The following DPYD variants were observed in gnomAD, a reference collection of about 807,000 sequenced individuals.
DPYD encodes the protein dihydropyrimidine dehydrogenase.
Under a neutral mutation model 116.2 loss-of-function variants are expected in DPYD, and 109 were observed. The observed-to-expected ratio is 0.94, with a 90% CI of 0.80 to 1.10. The LOEUF (loss-of-function observed/expected upper bound fraction) is 1.10, where lower values mean the gene tolerates loss of function less well. Ranked by LOEUF, DPYD falls within the 50% of genes least tolerant of loss-of-function variation. The pLI, the probability that DPYD is intolerant of heterozygous loss-of-function variation, is 0.00. For missense variants in DPYD, 1,302 were observed against 1,254.5 expected, an observed-to-expected ratio of 1.04 and a Z score of -0.57; for synonymous variants, 440 against 432.0, an observed-to-expected ratio of 1.02 and a Z score of -0.23.
chr1:97,521,111 A>G (rs1271032956), intron 12 of DPYD, among the ~76,000 whole-genome samples: 1 of 152,160 alleles, frequency 6.6e-6, no homozygotes, highest in Non-Finnish European at 1.5e-5. Flanking sequence ...AAGTGTTCTT[A>G]TTTCTCCATA....
chr1:97,599,022 T>A (rs1006883608), intron 8 of DPYD, among the ~76,000 whole-genome samples: 1 of 152,204 alleles, frequency 6.6e-6, no homozygotes, highest in Admixed American at 6.5e-5. Context: ...TCAACATGTA[T>A]GTATTAAGTT....
rs538237738 is a variant in DPYD, at chr1:97,672,171, C to T, written c.850+6924G>A. On this transcript the variant is annotated intron_variant, in intron 8 of 22. Transcript: ENST00000370192. ...TTACGACCTGGGCTCAAAGAACTCC[C>T]GGTCCATTGATTCAGGTGCCTTAAA... Among the ~76,000 whole-genome samples, 26 of 152,120 alleles carry T rather than the reference C, an allele frequency of 1.7e-4. No individual in the cohort carries two copies. In the East Asian group the frequency reaches 2.7e-3, roughly 16 times the overall value.
intron 13 of DPYD, among the ~76,000 whole-genome samples, chr1:97,452,800 G>C (rs1319434805): frequency 6.6e-6 from 1 of 151,940 alleles, no homozygotes; most frequent in Non-Finnish European, 1.5e-5. Flanking sequence ...TGCCTTGATT[G>C]GAAGCTTTCT....
At chr1:97,510,278 A>G (rs1647683324) in intron 13 of DPYD, among the ~76,000 whole-genome samples, 1 of 151,838 alleles carries the variant, frequency 6.6e-6, no homozygotes, top group Non-Finnish European at 1.5e-5. Context: ...CCCTGAAAAT[A>G]TGTGCCAAAC....
At chr1:97,779,735 C>T (rs1666627846) in intron 3 of DPYD, among the ~76,000 whole-genome samples, 1 of 151,932 alleles carries the variant, frequency 6.6e-6, no homozygotes, top group South Asian at 2.1e-4. Flanking sequence ...ATTATCACTC[C>T]TGGTTGCATC....
intron 16 of DPYD, among the ~76,000 whole-genome samples, chr1:97,330,525 A>G (rs929868072): frequency 1.3e-5 from 2 of 152,174 alleles, no homozygotes; most frequent in Admixed American, 1.3e-4. Flanking sequence ...CGACAGTAAT[A>G]AGACAAAGCT....
intron 3 of DPYD, among the ~76,000 whole-genome samples, chr1:97,754,146 ATCT>A (rs753547099): frequency 6.6e-6 from 1 of 152,178 alleles, no homozygotes; most frequent in Non-Finnish European, 1.5e-5. Flanking sequence ...TAAATGTTTA[ATCT>A]TCTCAGTTTA....
chr1:97,459,247 C>G (rs996339490), intron 13 of DPYD, among the ~76,000 whole-genome samples: 1 of 151,920 alleles, frequency 6.6e-6, no homozygotes, highest in African/African-American at 2.4e-5. Flanking sequence ...TACCTGAAAG[C>G]AAACAAATGT....
At chr1:97,202,361 C>T (rs1659267339) in intron 19 of DPYD, among the ~76,000 whole-genome samples, 2 of 151,930 alleles carry the variant, frequency 1.3e-5, no homozygotes, top group Non-Finnish European at 2.9e-5. Flanking sequence ...TAAAAATTTC[C>T]CCCTTTTCCT....
chr1:97,094,657 G>A (rs547383215), intron 21 of DPYD, among the ~76,000 whole-genome samples: 8 of 152,198 alleles, frequency 5.3e-5, no homozygotes, highest in Admixed American at 1.3e-4. Context: ...GGGTTCCTTG[G>A]TCAGACGATG....
intron 14 of DPYD, among the ~76,000 whole-genome samples, chr1:97,433,790 G>A (rs1184789210): frequency 1.3e-5 from 2 of 152,248 alleles, no homozygotes; most frequent in African/African-American, 2.4e-5. Context: ...TGAATAGTAT[G>A]TATGAAAATA....
At chr1:97,286,232 AT>A (rs1665669401) in intron 18 of DPYD, among the ~76,000 whole-genome samples, 1 of 152,086 alleles carries the variant, frequency 6.6e-6, no homozygotes. Context: ...TTCTTTAAGA[AT>A]GTTGAATATT....
chr1:97,323,617 TATATACATATC>T (rs1387864981), intron 16 of DPYD, among the ~76,000 whole-genome samples: 5 of 77,890 alleles, frequency 6.4e-5, no homozygotes, highest in Non-Finnish European at 1.2e-4. Flanking sequence ...TATACACGTA[TATATACATATC>T]ATATATACAT....
intron 19 of DPYD, among the ~76,000 whole-genome samples, chr1:97,217,329 G>A (rs1367797529): frequency 1.3e-5 from 2 of 152,164 alleles, no homozygotes; most frequent in African/African-American, 4.8e-5. Context: ...TTAGACAGAG[G>A]TCATTCATCC....
chr1:97,773,974 G>A (rs1420600587), intron 3 of DPYD, among the ~76,000 whole-genome samples: 1 of 152,164 alleles, frequency 6.6e-6, no homozygotes, highest in Non-Finnish European at 1.5e-5. Flanking sequence ...ATTAACACAA[G>A]CTGCCTGTGG....
At chr1:97,851,249 C>CATAT (rs60887494) in intron 2 of DPYD, among the ~76,000 whole-genome samples, 3,007 of 146,650 alleles carry the variant, frequency 0.021, 39 homozygotes, top group Middle Eastern at 0.029. Context: ...GTCTAATTAC[C>CATAT]ATATATATAT....
At chr1:97,485,401 C>T (rs1448862816) in intron 13 of DPYD, among the ~76,000 whole-genome samples, 2 of 152,136 alleles carry the variant, frequency 1.3e-5, no homozygotes, top group Non-Finnish European at 2.9e-5. Context: ...GAGGTTTTGC[C>T]ATGTTGGCCA....
chr1:97,733,805 T>C (rs1289200100), intron 4 of DPYD, among the ~76,000 whole-genome samples: 1 of 152,084 alleles, frequency 6.6e-6, no homozygotes, highest in Non-Finnish European at 1.5e-5. Context: ...TCCTTCCTGC[T>C]GAGTAACACA....
At chr1:97,826,136 T>C (rs1669234106) in intron 3 of DPYD, among the ~76,000 whole-genome samples, 1 of 152,162 alleles carries the variant, frequency 6.6e-6, no homozygotes, top group Non-Finnish European at 1.5e-5. Context: ...CTTTGTCTCA[T>C]AGAATGGGTG....
Sources: allele counts gnomAD v4.1 joint callset (sites outside exome capture counted in the v4.1 genomes callset), GRCh38; gene constraint gnomAD v4.1.1; transcripts MANE v1.5; gene names NCBI Gene and HGNC (gene_info 2026-07-23, HGNC 2026-07-21).